Variants in STX18 observed in about 807,000 individuals in gnomAD.
STX18 encodes the protein syntaxin 18.
A neutral mutation model predicts 50.1 loss-of-function variants in STX18; 40 were observed. The observed-to-expected ratio is 0.80, with a 90% CI of 0.62 to 1.04. The LOEUF (loss-of-function observed/expected upper bound fraction) is 1.04, where lower values mean the gene tolerates loss of function less well. Ranked by LOEUF, STX18 falls within the 50% of genes least tolerant of loss-of-function variation. STX18 has a pLI of 0.00. For synonymous variants in STX18, 158 were observed against 151.8 expected, an observed-to-expected ratio of 1.04 and a Z score of -0.30; for missense variants, 410 against 415.8, an observed-to-expected ratio of 0.99 and a Z score of 0.12.
chr4:4,430,644 G>A (rs1157303858), intron 7 of STX18, among the ~76,000 whole-genome samples: 1 of 152,208 alleles, frequency 6.6e-6, no homozygotes, highest in African/African-American at 2.4e-5. Flanking sequence ...GAAGCATGCT[G>A]CATCAACCTC....
At chr4:4,540,833 T>C (rs1731552185) in intron 1 of STX18, among the ~76,000 whole-genome samples, 2 of 152,212 alleles carry the variant, frequency 1.3e-5, no homozygotes, top group East Asian at 1.9e-4. Context: ...TCTGAGTGTC[T>C]ATACAGTGCC....
chr4:4,530,730 C>T (rs1731052792), intron 1 of STX18, among the ~76,000 whole-genome samples: 3 of 152,138 alleles, frequency 2.0e-5, no homozygotes, highest in Admixed American at 6.5e-5. Flanking sequence ...CTCAGCCTCC[C>T]GGGTAGCTGA....
intron 7 of STX18, among the ~76,000 whole-genome samples, chr4:4,429,977 C>G (rs975048002): frequency 1.7e-4 from 26 of 152,158 alleles, no homozygotes; most frequent in African/African-American, 6.3e-4. Context: ...GTGGTTTTAC[C>G]TGAGGCAAGT....
intron 7 of STX18, among the ~76,000 whole-genome samples, chr4:4,431,152 T>G (rs2108779584): frequency 6.6e-6 from 1 of 152,218 alleles, no homozygotes; most frequent in South Asian, 2.1e-4. Context: ...AGCTATTTCC[T>G]TTATGAAGAG....
At chr4:4,493,994 T>C (rs1012742099) in intron 1 of STX18, among the ~76,000 whole-genome samples, 1 of 152,224 alleles carries the variant, frequency 6.6e-6, no homozygotes, top group Non-Finnish European at 1.5e-5. Flanking sequence ...AAGGTAAATA[T>C]ATGTTATTTT....
intron 7 of STX18, among the ~76,000 whole-genome samples, chr4:4,432,227 C>G (rs4589978): frequency 0.17 from 25,793 of 152,212 alleles, 2,357 homozygotes; most frequent in African/African-American, 0.23. Context: ...GAATCAGTTT[C>G]AAGCTTTCAA....
At chr4:4,466,550 G>A (rs985981542) in intron 2 of STX18, among the ~76,000 whole-genome samples, 1 of 152,166 alleles carries the variant, frequency 6.6e-6, no homozygotes, top group Non-Finnish European at 1.5e-5. Context: ...AGAGCAGGGA[G>A]TTGAGAACAA....
In STX18 at chr4:4,420,732, C is replaced by T; in HGVS notation, c.912+132G>A. ...ATGAACACACGCAGCTCCGCGGTCA[C>T]ACAATTTTGTGATCAGCCCCGTGAG... On this transcript the variant is annotated intron_variant, in intron 10 of 10. Coordinates refer to ENST00000306200, the MANE Select transcript of STX18 (RefSeq NM_016930.4). The surrounding 1 kb of genome is among the most constrained non-coding windows in gnomAD (Gnocchi z 4.3). 1.2e-6 allele frequency: 1 copy of T among 811,450 alleles called. No homozygotes were observed. The highest frequency in any genetic ancestry group is 2.0e-6 in the Non-Finnish European group (1 of 489,638). The allele number at this position is 811,450 out of a possible 1,614,324, so 50.3% of individuals were successfully genotyped here.
intron 1 of STX18, among the ~76,000 whole-genome samples, chr4:4,533,970 A>G (rs1013578318): frequency 6.6e-5 from 10 of 152,334 alleles, no homozygotes; most frequent in African/African-American, 2.2e-4. Flanking sequence ...AGAACTGAGA[A>G]TAACAGGAGA....
At chr4:4,506,827 T>C (rs996696298) in intron 1 of STX18, among the ~76,000 whole-genome samples, 2 of 152,236 alleles carry the variant, frequency 1.3e-5, no homozygotes, top group African/African-American at 2.4e-5. Flanking sequence ...AAGTATCTTA[T>C]TGTACTGTAC....
chr4:4,434,835 G>C lies in STX18; in HGVS notation c.637C>G (p.Pro213Ala), dbSNP rs1725693823. 1.2e-6 allele frequency: 2 copies of C among 1,600,412 alleles called. No homozygotes were observed. Among genetic ancestry groups the C allele is most frequent in the Admixed American group, 3.5e-5 (2 of 56,394 alleles). The change falls in exon 7 of 11, where the codon CCT becomes GCT. Residue 213 changes from proline to alanine, a missense_variant. By Grantham distance (27) the Pro-to-Ala change is conservative. Transcript: ENST00000306200. Reference sequence around the variant, plus strand: ...CCATCTCCCCACGTTCCCAATTCAGGTTGTGTTTCAGCCAAAATTTTTTCT... The same window carrying C: ...CCATCTCCCCACGTTCCCAATTCAGCTTGTGTTTCAGCCAAAATTTTTTCT... ...RPEKILAETQPELGTWGDGKG... is the reference protein window; with the variant it reads ...RPEKILAETQAELGTWGDGKG...
intron 1 of STX18, among the ~76,000 whole-genome samples, chr4:4,515,907 G>C (rs933874619): frequency 6.6e-6 from 1 of 151,918 alleles, no homozygotes; most frequent in Non-Finnish European, 1.5e-5. Flanking sequence ...TCCGAAAACA[G>C]CATCTGATTA....
intron 1 of STX18, among the ~76,000 whole-genome samples, chr4:4,541,304 G>A (rs1310279456): frequency 6.6e-6 from 1 of 152,132 alleles, no homozygotes; most frequent in Admixed American, 6.5e-5. Context: ...GTCTCAAGAG[G>A]AACTGAGTCC....
chr4:4,455,792 G>A (rs1560172471), intron 5 of STX18, among the ~76,000 whole-genome samples: 1 of 152,094 alleles, frequency 6.6e-6, no homozygotes, highest in East Asian at 1.9e-4. Flanking sequence ...GACTCCACTG[G>A]GAGAGTACTC....
chr4:4,466,532 A>C (rs1377016691), intron 2 of STX18, among the ~76,000 whole-genome samples: 1 of 152,170 alleles, frequency 6.6e-6, no homozygotes, highest in Admixed American at 6.5e-5. Context: ...CAGGAGAGGA[A>C]GGGACAAAGA....
chr4:4,487,520 C>T (rs1023685000), intron 1 of STX18, among the ~76,000 whole-genome samples: 1 of 152,176 alleles, frequency 6.6e-6, no homozygotes, highest in African/African-American at 2.4e-5. Flanking sequence ...AGCCAGGGTC[C>T]ATACTCTGGA....
chr4:4,521,741 A>G (rs1386266238), intron 1 of STX18, among the ~76,000 whole-genome samples: 1 of 152,116 alleles, frequency 6.6e-6, no homozygotes, highest in Non-Finnish European at 1.5e-5. Context: ...CATCTGTTTA[A>G]TATTACAAGC....
intron 1 of STX18, among the ~76,000 whole-genome samples, chr4:4,539,875 G>A (rs1731499997): frequency 6.6e-6 from 1 of 152,192 alleles, no homozygotes; most frequent in Non-Finnish European, 1.5e-5. Context: ...CAACCCAACT[G>A]TGCCTCCTGT....
intron 1 of STX18, chr4:4,507,244 AC>A (rs1465429826): frequency 1.5e-6 from 1 of 665,592 alleles, no homozygotes; most frequent in African/African-American, 1.8e-5. Context: ...CCCATACTTT[AC>A]AGTGTACTAT....
Sources: gnomAD v4.1 joint callset for allele counts (sites outside exome capture counted in the v4.1 genomes callset) on GRCh38, gnomAD v4.1.1 for gene constraint, Gnocchi (gnomAD v3.1) non-coding constraint, MANE v1.5 for transcripts, NCBI Gene and HGNC (gene_info 2026-07-23, HGNC 2026-07-21) for gene names.